Variants in PCDH15 observed in about 807,000 individuals in gnomAD.
The protein encoded by PCDH15 is protocadherin-15.
PCDH15 carries 129 observed loss-of-function variants against 178.5 expected under a neutral mutation model. The observed-to-expected ratio is 0.72, with a 90% CI of 0.63 to 0.84. The LOEUF is 0.84. PCDH15 is among the 40% of genes least tolerant of loss of function. PCDH15 has a pLI of 0.00. For missense variants in PCDH15, 2,230 were observed against 2,099.9 expected (o/e 1.06, Z -1.21); for synonymous variants, 800 against 732.0 (o/e 1.09, Z -1.50).
At chr10:54,566,861 C>T (rs901514356) in intron 2 of PCDH15, among the ~76,000 whole-genome samples, 6 of 151,990 alleles carry the variant, frequency 3.9e-5, no homozygotes, top group Admixed American at 1.3e-4. Context: ...GGAGAATGAC[C>T]GCTGGATTTT....
chr10:54,206,996 G>T (rs981232402), intron 10 of PCDH15, among the ~76,000 whole-genome samples: 1 of 151,960 alleles, frequency 6.6e-6, no homozygotes, highest in South Asian at 2.1e-4. Context: ...AGACAAGAAG[G>T]CCTTGGCAAA....
intron 3 of PCDH15, among the ~76,000 whole-genome samples, chr10:54,423,018 G>A (rs1424224846): frequency 1.3e-5 from 2 of 152,200 alleles, no homozygotes; most frequent in East Asian, 3.9e-4. Flanking sequence ...AGTATTATGT[G>A]TTTTGTTTCA....
At chr10:54,512,793 T>C (rs2081837038) in intron 3 of PCDH15, among the ~76,000 whole-genome samples, 2 of 152,174 alleles carry the variant, frequency 1.3e-5, no homozygotes, top group Non-Finnish European at 1.5e-5. Context: ...CAAAATATTA[T>C]ATTCTGTCTA....
At chr10:54,250,153 C>T (rs1472262293) in intron 8 of PCDH15, among the ~76,000 whole-genome samples, 1 of 151,586 alleles carries the variant, frequency 6.6e-6, no homozygotes, top group Admixed American at 6.6e-5. Context: ...AGCAAAAGGC[C>T]CACCTCAGCC....
chr10:54,772,940 A>G (rs1949268293), intron 1 of PCDH15, among the ~76,000 whole-genome samples: 2 of 152,208 alleles, frequency 1.3e-5, no homozygotes, highest in South Asian at 4.1e-4. Context: ...CAGCATAAAA[A>G]GGAATGAGAT....
intron 2 of PCDH15, among the ~76,000 whole-genome samples, chr10:54,573,484 G>T (rs571547809): frequency 6.6e-6 from 1 of 152,138 alleles, no homozygotes; most frequent in Non-Finnish European, 1.5e-5. Context: ...ATCTAATAAT[G>T]CATGCATTTT....
chr10:53,815,717 ATAAG>A (rs1296438293), intron 35 of PCDH15, among the ~76,000 whole-genome samples: 1 of 151,750 alleles, frequency 6.6e-6, no homozygotes, highest in African/African-American at 2.4e-5. Flanking sequence ...TATAAACATA[ATAAG>A]TAAATACAAT....
chr10:54,276,825 T>G (rs2058376160), intron 8 of PCDH15, among the ~76,000 whole-genome samples: 1 of 151,676 alleles, frequency 6.6e-6, no homozygotes, highest in African/African-American at 2.4e-5. Flanking sequence ...GTTCAGTATA[T>G]CATTTCCACA....
chr10:54,600,740 T>A, intron 2 of PCDH15: 1 of 510,210 alleles, frequency 2.0e-6, no homozygotes. Context: ...TGCATGTGAT[T>A]GACAGCTTCA....
chr10:54,623,657 G>A (rs2093457398), intron 2 of PCDH15, among the ~76,000 whole-genome samples: 1 of 151,962 alleles, frequency 6.6e-6, no homozygotes, highest in African/African-American at 2.4e-5. Flanking sequence ...TTCTGGCTTG[G>A]AACACTAAAC....
chr10:55,311,999 C>T (rs1441353419), intron 1 of PCDH15, among the ~76,000 whole-genome samples: 1 of 152,146 alleles, frequency 6.6e-6, no homozygotes, highest in Admixed American at 6.5e-5. Context: ...TTTTTACATG[C>T]TGTGAATCAA....
chr10:55,328,913 CATATATATAT>C (rs56104592), intron 2 of PCDH15, among the ~76,000 whole-genome samples: 24,189 of 111,240 alleles, frequency 0.22, 3,096 homozygotes, highest in Admixed American at 0.35. Flanking sequence ...TTCACACAAA[CATATATATAT>C]ATATATATAT....
chr10:54,338,383 A>C (rs771742157), intron 6 of PCDH15, among the ~76,000 whole-genome samples: 1 of 152,212 alleles, frequency 6.6e-6, no homozygotes, highest in African/African-American at 2.4e-5. Context: ...TTAACCTTAA[A>C]TATTTTATTG....
At chr10:54,388,558 T>A (rs1950184462) in intron 3 of PCDH15, among the ~76,000 whole-genome samples, 1 of 152,178 alleles carries the variant, frequency 6.6e-6, no homozygotes, top group Admixed American at 6.5e-5. Flanking sequence ...TAGAAGTTCA[T>A]CTTCTACTAG....
chr10:54,472,818 G>A (rs1244329365), intron 3 of PCDH15, among the ~76,000 whole-genome samples: 2 of 152,070 alleles, frequency 1.3e-5, no homozygotes, highest in African/African-American at 4.8e-5. Flanking sequence ...AGACAGAGTT[G>A]CACATAGGTA....
intron 8 of PCDH15, among the ~76,000 whole-genome samples, chr10:54,305,111 A>G (rs970096383): frequency 6.6e-6 from 1 of 152,110 alleles, no homozygotes; most frequent in Non-Finnish European, 1.5e-5. Flanking sequence ...TGTTATGTAC[A>G]TAATTTCTTT....
chr10:55,491,179 G>T (rs1840406757), intron 2 of PCDH15, among the ~76,000 whole-genome samples: 1 of 151,638 alleles, frequency 6.6e-6, no homozygotes, highest in African/African-American at 2.4e-5. Flanking sequence ...TCTATTACAG[G>T]AACGTGTGGT....
At chr10:55,522,510 G>A (rs1454807087) in intron 2 of PCDH15, among the ~76,000 whole-genome samples, 2 of 151,540 alleles carry the variant, frequency 1.3e-5, no homozygotes, top group East Asian at 1.9e-4. Context: ...TGTTGAGGGC[G>A]TATATACTTA....
intron 29 of PCDH15, among the ~76,000 whole-genome samples, chr10:53,838,168 G>T (rs899440428): frequency 6.6e-6 from 1 of 151,614 alleles, no homozygotes. Context: ...GTAGAGACGG[G>T]GTTTCACCGT....
Sources: gnomAD v4.1 joint callset for allele counts (sites outside exome capture counted in the v4.1 genomes callset) on GRCh38, gnomAD v4.1.1 for gene constraint, MANE v1.5 for transcripts, NCBI Gene and HGNC (gene_info 2026-07-23, HGNC 2026-07-21) for gene names.